Variants in PPFIA1 observed in about 807,000 individuals in gnomAD.
The protein encoded by PPFIA1 is PPFI scaffold protein A1.
In PPFIA1, 25 loss-of-function variants were observed where a neutral mutation model predicts 149.9. That is an observed-to-expected ratio of 0.17 (90% CI 0.12 to 0.23). The LOEUF (loss-of-function observed/expected upper bound fraction) is 0.23, where lower values mean the gene tolerates loss of function less well. PPFIA1 is among the 10% of genes least tolerant of loss of function. The pLI, the probability that PPFIA1 is intolerant of heterozygous loss-of-function variation, is 1.00. For missense variants in PPFIA1, 1,362 were observed against 1,506.5 expected (o/e 0.90, Z 1.59); for synonymous variants, 549 against 552.8 (o/e 0.99, Z 0.10).
Position 70,295,740 on chromosome 11 carries a change from C to T in PPFIA1, c.264+23304C>T, listed in dbSNP as rs1454015221. ...GGCGGCTGGCCGGGCAGGGGGCTGA[C>T]CCCCCCACCTCCCTCCCAGACGGGA... On this transcript the variant is annotated intron_variant, in intron 2 of 27. Coordinates refer to ENST00000253925, the MANE Select transcript of PPFIA1 (RefSeq NM_003626.5). Among the ~76,000 whole-genome samples, 26 of 149,230 alleles carry T rather than the reference C, an allele frequency of 1.7e-4. No individual in the cohort carries two copies. In the South Asian group the frequency reaches 2.8e-3, roughly 16 times the overall value.
intron 2 of PPFIA1, among the ~76,000 whole-genome samples, chr11:70,294,026 TC>T (rs1359059130): frequency 6.6e-6 from 1 of 151,184 alleles, no homozygotes; most frequent in Non-Finnish European, 1.5e-5. Context: ...AGCCTCGACT[TC>T]CTGGGCTCGA....
intron 2 of PPFIA1, among the ~76,000 whole-genome samples, chr11:70,304,307 G>C (rs1428973084): frequency 6.6e-6 from 1 of 151,842 alleles, no homozygotes; most frequent in African/African-American, 2.4e-5. Flanking sequence ...TCCTTCTGCT[G>C]TTCACCTGGG....
chr11:70,344,878 AT>A (rs2055590074), intron 15 of PPFIA1, among the ~76,000 whole-genome samples: 1 of 152,220 alleles, frequency 6.6e-6, no homozygotes. Context: ...AACAGTGAAC[AT>A]TTCGTAGTTC....
Position 70,320,604 on chromosome 11 carries a change from A to T in PPFIA1, c.265-3798A>T, listed in dbSNP as rs546648798. On this transcript the variant is annotated intron_variant, in intron 2 of 27. Transcript: ENST00000253925. ...TGGTGTGTGCCACCATGCCCGGCTAATTTTTTATGTTTTGTAGAGATGGGG... is the reference window on the plus strand; with the variant it reads ...TGGTGTGTGCCACCATGCCCGGCTATTTTTTTATGTTTTGTAGAGATGGGG... Among the ~76,000 whole-genome samples, 6 of 151,702 alleles carry T rather than the reference A, an allele frequency of 4.0e-5. No homozygotes were observed. In the East Asian group the frequency reaches 1.2e-3, roughly 29 times the overall value.
intron 21 of PPFIA1, 116 bp downstream of exon 21, chr11:70,362,604 T>C: frequency 9.1e-7 from 1 of 1,095,346 alleles, no homozygotes; most frequent in African/African-American, 1.6e-5. Flanking sequence ...AGTATAGTTC[T>C]AATTCAAAAT....
intron 2 of PPFIA1, among the ~76,000 whole-genome samples, chr11:70,319,279 C>T (rs78675282): frequency 6.9e-4 from 105 of 152,292 alleles, no homozygotes; most frequent in African/African-American, 1.9e-3. Flanking sequence ...TCACCACCTG[C>T]GGTGAGCCCA....
At chr11:70,332,946 C>T (rs569917226) in intron 9 of PPFIA1, 4 of 438,988 alleles carry the variant, frequency 9.1e-6, no homozygotes, top group East Asian at 7.1e-5. Flanking sequence ...CCTATCCTCC[C>T]ACTCCATGAT....
At chr11:70,344,707 C>G (rs74410940) in intron 15 of PPFIA1, among the ~76,000 whole-genome samples, 22 of 152,202 alleles carry the variant, frequency 1.4e-4, no homozygotes, top group South Asian at 4.1e-4. Context: ...GGGCCAGGCC[C>G]CATTACAGAC....
At chr11:70,381,514 C>G (rs997731236) in intron 26 of PPFIA1, among the ~76,000 whole-genome samples, 6 of 152,200 alleles carry the variant, frequency 3.9e-5, no homozygotes, top group African/African-American at 1.4e-4. Context: ...ACCCCTGCAG[C>G]CAGATCTCTG....
chr11:70,280,918 C>G (rs1242768017), intron 2 of PPFIA1, among the ~76,000 whole-genome samples: 1 of 152,154 alleles, frequency 6.6e-6, no homozygotes, highest in Non-Finnish European at 1.5e-5. Context: ...CACTCATCCC[C>G]TCTTCATTTG....
intron 2 of PPFIA1, among the ~76,000 whole-genome samples, chr11:70,277,065 T>TG (rs2050452545): frequency 1.6e-5 from 2 of 123,712 alleles, no homozygotes; most frequent in South Asian, 4.7e-4. Flanking sequence ...TATATATTTT[T>TG]TTTTTTCCAG....
chr11:70,272,202 C>T lies in PPFIA1; in HGVS notation c.30C>T (p.Ser10=), dbSNP rs763700052. Residue 10 remains serine (S), a synonymous_variant, in exon 2 of 28, where the codon AGC becomes AGT. Transcript: ENST00000253925. MMCEVMPTI[S]EAEGPPGGGG... ...TGTGCGAGGTGATGCCGACCATCAGCGAAGCAGAAGGCCCCCCTGGAGGAG... is the reference window on the plus strand; with the variant it reads ...TGTGCGAGGTGATGCCGACCATCAGTGAAGCAGAAGGCCCCCCTGGAGGAG... The T allele has an allele frequency of 1.3e-5, 21 of 1,613,752 alleles. No individual in the cohort carries two copies. The highest frequency in any genetic ancestry group is 1.5e-5 in the Non-Finnish European group (18 of 1,180,010).
chr11:70,368,978 CAG>C (rs2057095860), intron 21 of PPFIA1, among the ~76,000 whole-genome samples: 2 of 144,090 alleles, frequency 1.4e-5, no homozygotes, highest in South Asian at 4.4e-4. Flanking sequence ...TTTAAAGAGA[CAG>C]GGTCTCACCA....
intron 2 of PPFIA1, among the ~76,000 whole-genome samples, chr11:70,291,216 A>G (rs748486696): frequency 6.6e-6 from 1 of 152,184 alleles, no homozygotes; most frequent in African/African-American, 2.4e-5. Context: ...TGCTGTGAGG[A>G]AGCTAGTGCA....
chr11:70,270,936 G>A (rs560835102), intron 1 of PPFIA1, 22 bp downstream of exon 1: 2 of 151,608 alleles, frequency 1.3e-5, no homozygotes, highest in Non-Finnish European at 1.5e-5. Context: ...GGACACTGAG[G>A]CAGGCTCGGG....
At chr11:70,326,887 T>A (rs959292342) in intron 7 of PPFIA1, 69 bp downstream of exon 7, 33 of 1,330,564 alleles carry the variant, frequency 2.5e-5, no homozygotes, top group Non-Finnish European at 3.2e-5. Flanking sequence ...TTAAATGATT[T>A]TTTTTCTCTG....
intron 15 of PPFIA1, among the ~76,000 whole-genome samples, chr11:70,347,661 A>T (rs1291018668): frequency 1.3e-5 from 2 of 152,038 alleles, no homozygotes; most frequent in Non-Finnish European, 2.9e-5. Flanking sequence ...AGCTGTGATC[A>T]TGCTACTGCA....
chr11:70,304,672 C>G (rs763947552), intron 2 of PPFIA1, among the ~76,000 whole-genome samples: 4 of 152,062 alleles, frequency 2.6e-5, no homozygotes, highest in Non-Finnish European at 5.9e-5. Flanking sequence ...TGGGACTGAG[C>G]CTTACCCTGT....
intron 23 of PPFIA1, among the ~76,000 whole-genome samples, chr11:70,373,003 C>T (rs1253503813): frequency 6.6e-6 from 1 of 152,170 alleles, no homozygotes; most frequent in Non-Finnish European, 1.5e-5. Context: ...TGCAGTTCTG[C>T]TCCCGGAGGG....
Sources: gnomAD v4.1 joint callset for allele counts (sites outside exome capture counted in the v4.1 genomes callset) on GRCh38, gnomAD v4.1.1 for gene constraint, MANE v1.5 for transcripts, NCBI Gene and HGNC (gene_info 2026-07-23, HGNC 2026-07-21) for gene names.